Variants in GADL1 observed in about 807,000 individuals in gnomAD.
GADL1 encodes acidic amino acid decarboxylase GADL1.
A neutral mutation model predicts 69.5 loss-of-function variants in GADL1; 71 were observed. That is an observed-to-expected ratio of 1.02 (90% CI 0.84 to 1.25). GADL1 has a LOEUF of 1.25. GADL1 is among the 50% of genes most tolerant of loss of function. GADL1 has a pLI of 0.00. For missense variants in GADL1, 737 were observed against 631.8 expected (o/e 1.17, Z -1.79); for synonymous variants, 254 against 214.4 (o/e 1.18, Z -1.62).
intron 2 of GADL1, among the ~76,000 whole-genome samples, chr3:30,859,231 G>T (rs932056848): frequency 2.6e-5 from 4 of 151,866 alleles, no homozygotes; most frequent in African/African-American, 9.7e-5. Flanking sequence ...AGACTGGGAG[G>T]CTGGGGGGAA....
chr3:30,824,070 G>A (rs1697639901), intron 11 of GADL1, among the ~76,000 whole-genome samples: 2 of 151,658 alleles, frequency 1.3e-5, no homozygotes, highest in Non-Finnish European at 2.9e-5. Context: ...ATTACAAAAC[G>A]TATCAATCTA....
chr3:30,749,936 T>A (rs1695776550), intron 14 of GADL1, among the ~76,000 whole-genome samples: 1 of 152,174 alleles, frequency 6.6e-6, no homozygotes. Context: ...CTACAGCCAA[T>A]GATGAGGGCC....
chr3:30,881,696 A>T (rs1001896943), intron 1 of GADL1, among the ~76,000 whole-genome samples: 1 of 151,770 alleles, frequency 6.6e-6, no homozygotes, highest in Non-Finnish European at 1.5e-5. Context: ...ATGTCAAAAT[A>T]CAACAAAAAA....
Position 30,801,008 on chromosome 3 carries a change from T to C in GADL1, c.1131A>G (p.Thr377=), listed in dbSNP as rs760056518. The C allele has an allele frequency of 5.0e-6, 8 of 1,613,730 alleles. No individual in the cohort carries two copies. Among genetic ancestry groups the C allele is most frequent in the Non-Finnish European group, 6.8e-6 (8 of 1,179,644 alleles). ...TGCTACACTGGATAGACTTGTCTCCTGTGTCATAGCTCACATCATAGAATT... is the reference window on the plus strand; with the variant it reads ...TGCTACACTGGATAGACTTGTCTCCCGTGTCATAGCTCACATCATAGAATT... The part of the protein sequence containing the change: ...QDKFYDVSYD[T]GDKSIQCSRR... The change falls in exon 12 of 15, where the codon ACA becomes ACG. Residue 377 remains threonine, a synonymous_variant. Coordinates refer to ENST00000282538, the MANE Select transcript of GADL1 (RefSeq NM_207359.3).
At chr3:30,834,728 G>C (rs1350832263) in intron 9 of GADL1, among the ~76,000 whole-genome samples, 1 of 152,076 alleles carries the variant, frequency 6.6e-6, no homozygotes, top group East Asian at 1.9e-4. Flanking sequence ...ACTAGGATGA[G>C]CTAGGCGGAA....
At chr3:30,769,651 G>A (rs1696371456) in intron 14 of GADL1, among the ~76,000 whole-genome samples, 1 of 152,142 alleles carries the variant, frequency 6.6e-6, no homozygotes, top group Non-Finnish European at 1.5e-5. Flanking sequence ...CTAGTTCTTG[G>A]AATCCGGAAA....
At chr3:30,788,996 C>A (rs1015305859) in intron 12 of GADL1, among the ~76,000 whole-genome samples, 1 of 152,060 alleles carries the variant, frequency 6.6e-6, no homozygotes, top group African/African-American at 2.4e-5. Flanking sequence ...ATTCTAAATC[C>A]CCATTATTAG....
At chr3:30,731,088 C>G (rs1028917604) in intron 14 of GADL1, among the ~76,000 whole-genome samples, 3 of 152,174 alleles carry the variant, frequency 2.0e-5, no homozygotes, top group African/African-American at 7.2e-5. Context: ...AGTGCCAGTG[C>G]TGAATCAAGA....
chr3:30,728,626 A>G (rs1695406811), intron 14 of GADL1, among the ~76,000 whole-genome samples: 1 of 152,198 alleles, frequency 6.6e-6, no homozygotes, highest in Non-Finnish European at 1.5e-5. Context: ...AATCTTCACA[A>G]TAACAGTGAG....
At chr3:30,843,283 T>G (rs776907254) in intron 8 of GADL1, among the ~76,000 whole-genome samples, 12 of 138,876 alleles carry the variant, frequency 8.6e-5, no homozygotes, top group Admixed American at 2.3e-4. Flanking sequence ...TGAGATGGAG[T>G]CTTACTCTGT....
chr3:30,750,033 A>G (rs752422923), intron 14 of GADL1, among the ~76,000 whole-genome samples: 2 of 152,188 alleles, frequency 1.3e-5, no homozygotes, highest in Non-Finnish European at 1.5e-5. Flanking sequence ...TGTGTTGTGT[A>G]GGCAACTTAT....
chr3:30,752,001 T>C (rs1336824355), intron 14 of GADL1, among the ~76,000 whole-genome samples: 4 of 142,142 alleles, frequency 2.8e-5, no homozygotes, highest in Admixed American at 1.3e-4. Flanking sequence ...CTAAATAAGA[T>C]AGGACGATTC....
intron 1 of GADL1, among the ~76,000 whole-genome samples, chr3:30,871,352 G>GC (rs1330492666): frequency 1.3e-5 from 2 of 151,528 alleles, no homozygotes; most frequent in African/African-American, 4.9e-5. Flanking sequence ...AATAATCCAG[G>GC]CCAGGGAGAG....
At chr3:30,807,705 G>C (rs867293639) in intron 11 of GADL1, among the ~76,000 whole-genome samples, 1 of 152,184 alleles carries the variant, frequency 6.6e-6, no homozygotes, top group Non-Finnish European at 1.5e-5. Flanking sequence ...TAGTTGGTGT[G>C]GGGGATGGAA....
chr3:30,855,874 G>A (rs968878150), intron 3 of GADL1, among the ~76,000 whole-genome samples: 2 of 143,610 alleles, frequency 1.4e-5, no homozygotes, highest in South Asian at 2.3e-4. Context: ...AAAAAAACAA[G>A]TCTCAAAAGA....
rs553862617 is a variant in GADL1 at position 30,858,632 on chromosome 3, T to A, written c.211-1491A>T. Among the ~76,000 whole-genome samples, 3 of 151,906 alleles carry A rather than the reference T, an allele frequency of 2.0e-5. No individual in the cohort carries two copies. In the South Asian group the frequency reaches 6.2e-4, roughly 32 times the overall value. On this transcript the variant is annotated intron_variant, in intron 2 of 14. Coordinates refer to ENST00000282538, the MANE Select transcript of GADL1 (RefSeq NM_207359.3). ...AGCAATGGGGATAGCAGGAGAAGGA[T>A]CTGGTTGGGGTGGTGTGGGGATGAT...
At chr3:30,775,860 G>A (rs183134804) in intron 14 of GADL1, among the ~76,000 whole-genome samples, 281 of 152,262 alleles carry the variant, frequency 1.8e-3, no homozygotes, top group Middle Eastern at 3.4e-3. Flanking sequence ...AATTTGGGAG[G>A]CCGAGGCAGG....
chr3:30,858,798 G>A (rs1379610802), intron 2 of GADL1, among the ~76,000 whole-genome samples: 1 of 152,032 alleles, frequency 6.6e-6, no homozygotes, highest in Admixed American at 6.6e-5. Flanking sequence ...ATGTGGCTCA[G>A]AGAGAACCTA....
Position 30,749,181 on chromosome 3 carries a change from G to C in GADL1, c.1393-20766C>G, listed in dbSNP as rs377062090. Reference sequence around the variant, plus strand: ...TCAGCCTGCCATTTGGGGTATCATAGTTTCTGTGAGTAATTGATTCTATCC... The same window carrying C: ...TCAGCCTGCCATTTGGGGTATCATACTTTCTGTGAGTAATTGATTCTATCC... On this transcript the variant is annotated intron_variant, in intron 14 of 14. Coordinates refer to ENST00000282538, the MANE Select transcript of GADL1 (RefSeq NM_207359.3). Among the ~76,000 whole-genome samples, 37 of 152,300 alleles carry C rather than the reference G, an allele frequency of 2.4e-4. No homozygotes were observed. The South Asian group carries it at 7.7e-3, about 32-fold the overall frequency.
Sources: allele counts gnomAD v4.1 joint callset (sites outside exome capture counted in the v4.1 genomes callset), GRCh38; gene constraint gnomAD v4.1.1; transcripts MANE v1.5; gene names NCBI Gene and HGNC (gene_info 2026-07-23, HGNC 2026-07-21).